The following STXBP6 variants were observed in gnomAD, a reference collection of about 807,000 sequenced individuals.
STXBP6 encodes syntaxin-binding protein 6.
A neutral mutation model predicts 26.9 loss-of-function variants in STXBP6; 21 were observed. The observed-to-expected ratio is 0.78, with a 90% CI of 0.55 to 1.12. STXBP6 has a LOEUF of 1.12. STXBP6 is among the 50% of genes most tolerant of loss of function. The pLI is 0.00. For synonymous variants in STXBP6, 97 were observed against 92.6 expected (o/e 1.05, Z -0.27); for missense variants, 232 against 257.9 (o/e 0.90, Z 0.69).
chr14:25,047,571 T>C (rs1293045562), intron 1 of STXBP6, among the ~76,000 whole-genome samples: 2 of 152,248 alleles, frequency 1.3e-5, no homozygotes, highest in Non-Finnish European at 1.5e-5. Context: ...ATGCTAATTC[T>C]TGGGCCTTCA....
chr14:24,958,414 C>A (rs1245017599), intron 2 of STXBP6, among the ~76,000 whole-genome samples: 1 of 152,220 alleles, frequency 6.6e-6, no homozygotes, highest in South Asian at 2.1e-4. Context: ...TCAAAGAGCT[C>A]ATTTTATGGG....
At position 25,004,681 on chromosome 14, in the gene STXBP6, C is replaced by T. The variant is rs559077237; in HGVS notation, c.-32-29831G>A. Among the ~76,000 whole-genome samples, 34 of 152,326 alleles carry T rather than the reference C, an allele frequency of 2.2e-4. No homozygotes were observed. In the South Asian group the frequency reaches 6.4e-3, roughly 29 times the overall value. On this transcript the variant is annotated intron_variant, in intron 1 of 5. Transcript: ENST00000323944. ...TTGAGGGCAGAGTCCATGTTTCTTT[C>T]ATTTCTATGTATCCCGATACCACCT...
intron 1 of STXBP6, among the ~76,000 whole-genome samples, chr14:24,989,955 C>T (rs1055580865): frequency 6.6e-6 from 1 of 152,080 alleles, no homozygotes; most frequent in East Asian, 1.9e-4. Flanking sequence ...TCAAATGGAT[C>T]GTGACAGAAC....
chr14:24,908,399 G>A lies in STXBP6; in HGVS notation c.155-51242C>T, dbSNP rs192978369. On this transcript the variant is annotated intron_variant, in intron 2 of 5. Transcript: ENST00000323944. ...ACGCTGATCCCATTTGCTTTCATAA[G>A]AGCCAGAATGTAAAACATACCATGG... Among the ~76,000 whole-genome samples the A allele has an allele frequency of 4.0e-3, 610 of 152,214 alleles. 4 individuals carry two copies. Among genetic ancestry groups the A allele is most frequent in the South Asian group, 0.037 (178 of 4,824 alleles).
At position 24,939,806 on chromosome 14, in the gene STXBP6, T is replaced by G. The variant is rs533573240; in HGVS notation, c.154+34859A>C. Reference sequence around the variant, plus strand: ...GAGTTATTTTACATTTTTTTAATACTGAGTTTTAAAAATCTTGTGTGTTTT... The same window carrying G: ...GAGTTATTTTACATTTTTTTAATACGGAGTTTTAAAAATCTTGTGTGTTTT... On this transcript the variant is annotated intron_variant, in intron 2 of 5. Coordinates refer to ENST00000323944, the MANE Select transcript of STXBP6 (RefSeq NM_001394410.1). Among the ~76,000 whole-genome samples the G allele has an allele frequency of 2.6e-5, 4 of 152,364 alleles. No homozygotes were observed. The East Asian group carries it at 5.8e-4, about 22-fold the overall frequency.
intron 2 of STXBP6, among the ~76,000 whole-genome samples, chr14:24,952,348 G>C (rs922518661): frequency 6.7e-6 from 1 of 148,840 alleles, no homozygotes; most frequent in African/African-American, 2.5e-5. Flanking sequence ...TTACTTAAAT[G>C]CACGTAGTTA....
At chr14:24,935,683 C>T (rs992878878) in intron 2 of STXBP6, among the ~76,000 whole-genome samples, 3 of 152,174 alleles carry the variant, frequency 2.0e-5, no homozygotes, top group Admixed American at 6.6e-5. Context: ...AAAATGTCTA[C>T]TTTCGAACAC....
chr14:24,997,438 A>G (rs982588620), intron 1 of STXBP6, among the ~76,000 whole-genome samples: 1 of 152,144 alleles, frequency 6.6e-6, no homozygotes, highest in Non-Finnish European at 1.5e-5. Context: ...TTCCTACTCA[A>G]TCAAACGAAT....
At chr14:24,892,375 G>A (rs903061381) in intron 2 of STXBP6, among the ~76,000 whole-genome samples, 1 of 152,142 alleles carries the variant, frequency 6.6e-6, no homozygotes, top group African/African-American at 2.4e-5. Flanking sequence ...TTAAATTGAT[G>A]TATCTAGCGA....
intron 2 of STXBP6, among the ~76,000 whole-genome samples, chr14:24,872,551 GAC>G (rs754337259): frequency 5.3e-5 from 8 of 152,166 alleles, no homozygotes; most frequent in Non-Finnish European, 1.2e-4. Context: ...GGAAGTGACT[GAC>G]ACAGTGACTA....
At chr14:24,990,527 G>A (rs1435037796) in intron 1 of STXBP6, among the ~76,000 whole-genome samples, 1 of 151,930 alleles carries the variant, frequency 6.6e-6, no homozygotes, top group Non-Finnish European at 1.5e-5. Flanking sequence ...GCGTGATGGT[G>A]CAGGCCTGTA....
chr14:24,897,404 T>C (rs12895173), intron 2 of STXBP6, among the ~76,000 whole-genome samples: 82,890 of 125,448 alleles, frequency 0.66, 27,483 homozygotes, highest in South Asian at 0.76. Context: ...AGCGAGACTC[T>C]GTCTCAAAAA....
At chr14:24,865,614 C>T (rs2069689871) in intron 2 of STXBP6, among the ~76,000 whole-genome samples, 1 of 152,174 alleles carries the variant, frequency 6.6e-6, no homozygotes. Flanking sequence ...TCCATGCTCA[C>T]ACAGGGCTGG....
intron 2 of STXBP6, among the ~76,000 whole-genome samples, chr14:24,933,004 A>T (rs2072472147): frequency 6.6e-6 from 1 of 152,226 alleles, no homozygotes; most frequent in Non-Finnish European, 1.5e-5. Flanking sequence ...GGCTAAATAT[A>T]AGATCTCAAT....
chr14:24,964,414 G>A (rs2073660377), intron 2 of STXBP6, among the ~76,000 whole-genome samples: 1 of 152,150 alleles, frequency 6.6e-6, no homozygotes, highest in African/African-American at 2.4e-5. Flanking sequence ...GTTTCTTCTG[G>A]AAAATTCTGC....
intron 2 of STXBP6, among the ~76,000 whole-genome samples, chr14:24,861,412 C>T (rs1230128849): frequency 6.6e-6 from 1 of 152,132 alleles, no homozygotes. Flanking sequence ...AATGAGGGTT[C>T]AGGAAGTAAC....
Position 24,812,295 on chromosome 14 carries a change from C to T in STXBP6, c.*414G>A, listed in dbSNP as rs1413750581. 1.2e-5 allele frequency: 2 copies of T among 164,816 alleles called. No individual in the cohort carries two copies. Among genetic ancestry groups the T allele is most frequent in the African/African-American group, 4.8e-5 (2 of 41,572 alleles). The allele number at this position is 164,816 out of a possible 1,614,324, so 10.2% of individuals were successfully genotyped here. A position where few individuals can be genotyped will look rare whatever the true frequency, so the allele number is the denominator to read the frequency against. ...ATCTAGGAAAAATAACATCTGATGT[C>T]ACCACATTAAAATGCCTTCCTGCTT... On this transcript the variant is annotated 3_prime_UTR_variant, in exon 6 of 6. Transcript: ENST00000323944.
intron 1 of STXBP6, among the ~76,000 whole-genome samples, chr14:25,022,225 C>A (rs1245659152): frequency 6.6e-6 from 1 of 152,188 alleles, no homozygotes; most frequent in East Asian, 1.9e-4. Context: ...GGGCCAGTTT[C>A]TTTAACTGGA....
At chr14:24,908,974 C>G (rs1163327375) in intron 2 of STXBP6, among the ~76,000 whole-genome samples, 1 of 152,168 alleles carries the variant, frequency 6.6e-6, no homozygotes, top group African/African-American at 2.4e-5. Flanking sequence ...GAAAAATGCA[C>G]TGAAAATAGA....
Sources: allele counts gnomAD v4.1 joint callset (sites outside exome capture counted in the v4.1 genomes callset), GRCh38; gene constraint gnomAD v4.1.1; transcripts MANE v1.5; gene names NCBI Gene and HGNC (gene_info 2026-07-23, HGNC 2026-07-21).